The following MIER2 variants were observed in gnomAD, a reference collection of about 807,000 sequenced individuals.
The protein encoded by MIER2 is MIER family member 2.
Under a neutral mutation model 67.6 loss-of-function variants are expected in MIER2, and 30 were observed. The observed-to-expected ratio is 0.44, with a 90% CI of 0.33 to 0.60. The LOEUF (loss-of-function observed/expected upper bound fraction) is 0.60. Among genes scored for constraint, MIER2 ranks in the 20% least tolerant of loss-of-function variants. MIER2 has a pLI of 0.02. For missense variants in MIER2, 702 were observed against 745.1 expected (o/e 0.94, Z 0.67); for synonymous variants, 372 against 312.6 (o/e 1.19, Z -2.00).
chr19:336,304 G>A (rs1972255986), intron 1 of MIER2, 131 bp from the exon 2 acceptor site: 4 of 695,930 alleles, frequency 5.7e-6, no homozygotes, highest in East Asian at 2.8e-5. Context: ...CTTTGTCTCC[G>A]CCTCTGAGGG....
chr19:329,789 C>G lies in MIER2; in HGVS notation c.244-1800G>C, dbSNP rs569826723. Among the ~76,000 whole-genome samples, 16 of 150,126 alleles carry G rather than the reference C, an allele frequency of 1.1e-4. No homozygotes were observed. The Middle Eastern group carries it at 0.01, about 96-fold the overall frequency. ...TAATCCCAGGGAGAATCGCTTGAAC[C>G]TAGGAGGCAGAGGTTGCAGTGAGCC... is the stretch of plus-strand genomic sequence containing the variant. On this transcript the variant is annotated intron_variant, in intron 3 of 13. Coordinates refer to ENST00000264819, the MANE Select transcript of MIER2 (RefSeq NM_017550.3).
At position 344,074 on chromosome 19, in the gene MIER2, G is replaced by T. The variant is rs1003019256; in HGVS notation, c.9+700C>A. 7 of 985,316 alleles carry T rather than the reference G, an allele frequency of 7.1e-6. No homozygotes were observed. The African/African-American group carries it at 1.2e-4, about 17-fold the overall frequency. 61.0% of individuals were successfully genotyped at this position (985,316 alleles called of 1,614,324 possible). ...CTGGTCCCAAACATTTCAGATAAAG[G>T]GTCCCGGGCTTGTTTCCTGGACGAG... On this transcript the variant is annotated intron_variant, in intron 1 of 13. Transcript: ENST00000264819.
At position 312,173 on chromosome 19, in the gene MIER2, G is replaced by C. The variant is rs202177007; in HGVS notation, c.889+18C>G. 2.6e-6 allele frequency: 4 copies of C among 1,556,694 alleles called. No individual in the cohort carries two copies. Among genetic ancestry groups the C allele is most frequent in the Non-Finnish European group, 3.5e-6 (4 of 1,146,794 alleles). On this transcript the variant is annotated intron_variant, in intron 9 of 13. Transcript: ENST00000264819. ...AGGGCGGGGCCGCAGCGGAAGGAAG[G>C]CCCAGACCGCTGCTCACCTCGGATC...
chr19:306,955 A>G (rs1300297756), intron 13 of MIER2, among the ~76,000 whole-genome samples, 164 bp downstream of exon 13: 3 of 152,246 alleles, frequency 2.0e-5, no homozygotes, highest in East Asian at 1.9e-4. Flanking sequence ...AAAAATACAT[A>G]CAAGTAAAGA....
chr19:321,982 G>A (rs1971524171), intron 7 of MIER2, among the ~76,000 whole-genome samples: 1 of 149,944 alleles, frequency 6.7e-6, no homozygotes. Flanking sequence ...TCGGCTCACT[G>A]CAAGCTCCGC....
chr19:341,409 G>C (rs1972494645), intron 1 of MIER2, among the ~76,000 whole-genome samples: 1 of 152,148 alleles, frequency 6.6e-6, no homozygotes, highest in South Asian at 2.1e-4. Context: ...TTTAACAGGA[G>C]AGCTAAGGCA....
At chr19:334,326 G>A in intron 3 of MIER2, 74 bp downstream of exon 3, 3 of 1,586,198 alleles carry the variant, frequency 1.9e-6, no homozygotes, top group Non-Finnish European at 2.6e-6. Flanking sequence ...TGGAATCTGA[G>A]CTGCACAAAA....
In MIER2 at chr19:308,388, C is replaced by A. The variant is rs953158861; in HGVS notation, c.1198+189G>T. Among the ~76,000 whole-genome samples, 1 of 152,178 alleles carries A rather than the reference C, an allele frequency of 6.6e-6. No individual in the cohort carries two copies. Among genetic ancestry groups the A allele is most frequent in the Non-Finnish European group, 1.5e-5 (1 of 68,016 alleles). On this transcript the variant is annotated intron_variant, in intron 12 of 13. Transcript: ENST00000264819. The surrounding 1 kb of genome is among the most constrained non-coding windows in gnomAD (Gnocchi z 9.1). ...AGAGGGTAAGCGTAATCCCTGCCCTCCCCTCTCCCAGCCAGGTGTACAGAG... is the reference window on the plus strand; with the variant it reads ...AGAGGGTAAGCGTAATCCCTGCCCTACCCTCTCCCAGCCAGGTGTACAGAG...
Position 338,568 on chromosome 19 carries a change from C to T in MIER2, c.10-2395G>A, listed in dbSNP as rs78382027. Among the ~76,000 whole-genome samples the T allele has an allele frequency of 1.1e-4, 16 of 144,576 alleles. No individual in the cohort carries two copies. The East Asian group carries it at 3.1e-3, about 28-fold the overall frequency. The allele number at this position is 144,576 out of a possible 152,430, so 94.8% of individuals were successfully genotyped here. Reference sequence around the variant, plus strand: ...CCCAGTTGGCTTCTTTGTAGAAACCCACGAGCCGATTTCAAAAGCATATGG... The same window carrying T: ...CCCAGTTGGCTTCTTTGTAGAAACCTACGAGCCGATTTCAAAAGCATATGG... On this transcript the variant is annotated intron_variant, in intron 1 of 13. Transcript: ENST00000264819.
At chr19:316,122 T>C (rs1320351188) in intron 7 of MIER2, among the ~76,000 whole-genome samples, 1 of 151,980 alleles carries the variant, frequency 6.6e-6, no homozygotes, top group East Asian at 1.9e-4. Flanking sequence ...AAAGCAAAAA[T>C]CCAGGCTTTT....
At chr19:315,673 G>C (rs1290985504) in intron 7 of MIER2, among the ~76,000 whole-genome samples, 3 of 152,182 alleles carry the variant, frequency 2.0e-5, no homozygotes, top group Non-Finnish European at 4.4e-5. Context: ...CAAAACCAAA[G>C]TGTAAAAGGA....
chr19:332,202 T>C (rs1972059966), intron 3 of MIER2, among the ~76,000 whole-genome samples: 1 of 152,166 alleles, frequency 6.6e-6, no homozygotes, highest in Non-Finnish European at 1.5e-5. Context: ...TATTCTTTTT[T>C]TTTCTTGAGA....
At chr19:322,339 C>A (rs997821290) in intron 7 of MIER2, among the ~76,000 whole-genome samples, 5 of 152,176 alleles carry the variant, frequency 3.3e-5, no homozygotes, top group African/African-American at 1.2e-4. Flanking sequence ...AAGTAGAACA[C>A]ACACACACAT....
At chr19:306,841 C>G in intron 13 of MIER2, 130 bp from the exon 14 acceptor site, 1 of 1,442,792 alleles carries the variant, frequency 6.9e-7, no homozygotes, top group Non-Finnish European at 9.5e-7. Flanking sequence ...CAGCCGGGCC[C>G]GGGGTGCCCT....
intron 7 of MIER2, 85 bp from the exon 8 acceptor site, chr19:313,728 C>A: frequency 6.5e-7 from 1 of 1,534,586 alleles, no homozygotes; most frequent in Non-Finnish European, 8.8e-7. Flanking sequence ...GCCAACTCAG[C>A]CCCTGACAGG....
chr19:336,070 G>T lies in MIER2; in HGVS notation c.100+13C>A. On this transcript the variant is annotated intron_variant, in intron 2 of 13. Coordinates refer to ENST00000264819, the MANE Select transcript of MIER2 (RefSeq NM_017550.3). ...TTGGCGGACCTGAGCAGGGGAAGGA[G>T]GGAGGAAGGTACCTGCTGTTGTCTG... is the stretch of plus-strand genomic sequence containing the variant. The T allele has an allele frequency of 6.2e-7, 1 of 1,612,206 alleles. No individual in the cohort carries two copies. The highest frequency in any genetic ancestry group is 1.1e-5 in the South Asian group (1 of 90,918).
intron 7 of MIER2, among the ~76,000 whole-genome samples, chr19:320,112 T>C (rs774847404): frequency 5.9e-5 from 9 of 152,182 alleles, no homozygotes; most frequent in Non-Finnish European, 8.8e-5. Flanking sequence ...CAGTGGCTCA[T>C]GAGTGTAATC....
At chr19:323,153 C>T (rs1010040910) in intron 7 of MIER2, among the ~76,000 whole-genome samples, 1 of 151,638 alleles carries the variant, frequency 6.6e-6, no homozygotes, top group African/African-American at 2.4e-5. Context: ...AGGACACAAC[C>T]ACACAGATGA....
In MIER2 at chr19:308,959, CG is replaced by C. The variant is rs776595574; in HGVS notation, c.985-35del. 10 of 1,581,502 alleles carry C rather than the reference CG, an allele frequency of 6.3e-6. No individual in the cohort carries two copies. The highest frequency in any genetic ancestry group is 7.8e-6 in the Non-Finnish European group (9 of 1,157,220). On this transcript the variant is annotated intron_variant, in intron 10 of 13. Transcript: ENST00000264819. This position sits in a 1 kb window ranked among gnomAD's most constrained non-coding sequence, Gnocchi z 9.1. The stretch of plus-strand genomic sequence containing the variant: ...AGGGGTCAGGAGCCATCTCTGTCCC[CG>C]GCTGCCCAGCCCCAGCACCTGCACC...
Sources: allele counts gnomAD v4.1 joint callset (sites outside exome capture counted in the v4.1 genomes callset), GRCh38; gene constraint gnomAD v4.1.1; non-coding constraint Gnocchi (gnomAD v3.1); transcripts MANE v1.5; gene names NCBI Gene and HGNC (gene_info 2026-07-23, HGNC 2026-07-21).